The following NRXN3 variants were observed in gnomAD, a reference collection of about 807,000 sequenced individuals.
NRXN3 encodes neurexin 3.
In NRXN3, 32 loss-of-function variants were observed where a neutral mutation model predicts 137.6. The ratio of observed to expected loss-of-function variants is 0.23; its 90% confidence interval spans 0.18 to 0.31. The LOEUF (loss-of-function observed/expected upper bound fraction) is 0.31, where lower values mean the gene tolerates loss of function less well. NRXN3 is among the 10% of genes least tolerant of loss of function. The probability of loss-of-function intolerance (pLI) is 1.00; values close to 1 mark genes in which losing one functional copy is unlikely to be tolerated. For missense variants in NRXN3, 1,574 were observed against 2,062.5 expected, an observed-to-expected ratio of 0.76 and a Z score of 4.59; for synonymous variants, 798 against 784.5, an observed-to-expected ratio of 1.02 and a Z score of -0.29.
chr14:78,855,124 G>A (rs1268463314), intron 10 of NRXN3, among the ~76,000 whole-genome samples: 1 of 151,156 alleles, frequency 6.6e-6, no homozygotes, highest in African/African-American at 2.4e-5. Flanking sequence ...AGATCACGCT[G>A]CTGCACTCCA....
intron 8 of NRXN3, among the ~76,000 whole-genome samples, chr14:78,756,505 C>T (rs956430661): frequency 2.0e-5 from 3 of 146,536 alleles, no homozygotes; most frequent in South Asian, 2.2e-4. Flanking sequence ...TGGCTCTGAT[C>T]GCCCAAGCTC....
chr14:78,765,793 C>T (rs938525467), intron 8 of NRXN3, among the ~76,000 whole-genome samples: 3 of 152,004 alleles, frequency 2.0e-5, no homozygotes, highest in African/African-American at 7.3e-5. Flanking sequence ...TCTCACCTTC[C>T]CCCATCCATT....
chr14:78,314,819 C>T (rs2078368612), intron 4 of NRXN3, among the ~76,000 whole-genome samples: 1 of 152,084 alleles, frequency 6.6e-6, no homozygotes, highest in African/African-American at 2.4e-5. Context: ...TAGAGAATCA[C>T]TTCTCATTCA....
At chr14:78,227,973 T>G (rs1304368683) in intron 1 of NRXN3, among the ~76,000 whole-genome samples, 1 of 152,170 alleles carries the variant, frequency 6.6e-6, no homozygotes, top group African/African-American at 2.4e-5. Flanking sequence ...GGTGTCATTT[T>G]TGCTAATATG....
intron 4 of NRXN3, among the ~76,000 whole-genome samples, chr14:78,500,152 G>T (rs1441990960): frequency 6.6e-6 from 1 of 152,094 alleles, no homozygotes; most frequent in Non-Finnish European, 1.5e-5. Flanking sequence ...TCAGTTCAGA[G>T]AATTCAATTT....
intron 15 of NRXN3, among the ~76,000 whole-genome samples, chr14:79,078,246 T>C (rs1459263444): frequency 6.6e-6 from 1 of 152,192 alleles, no homozygotes; most frequent in African/African-American, 2.4e-5. Flanking sequence ...TTATGACCAT[T>C]CAAGATACTT....
In NRXN3 at chr14:79,697,703, A is replaced by G. The variant is rs540425234; in HGVS notation, c.3780A>G (p.Gln1260=). 2.5e-6 allele frequency: 4 copies of G among 1,613,104 alleles called. No homozygotes were observed. In the African/African-American group the frequency reaches 5.3e-5, roughly 22 times the overall value. The stretch of plus-strand genomic sequence containing the variant: ...GAAAGGACAAAGGACGCCTCTTCCA[A>G]GGCCAACTCTCTGGGCTCTATTATG... ...IGGKDKGRLF[Q]GQLSGLYYDG... Residue 1260 remains glutamine (Q), a synonymous_variant, in exon 19 of 21, where the codon CAA becomes CAG. Coordinates refer to ENST00000335750, the MANE Select transcript of NRXN3 (RefSeq NM_001330195.2).
At chr14:79,324,943 C>T (rs2090630511) in intron 15 of NRXN3, among the ~76,000 whole-genome samples, 1 of 152,120 alleles carries the variant, frequency 6.6e-6, no homozygotes, top group Admixed American at 6.5e-5. Context: ...TGTCAGACGT[C>T]CTTGTCCTTT....
intron 15 of NRXN3, among the ~76,000 whole-genome samples, chr14:79,410,404 G>A (rs957002437): frequency 1.3e-5 from 2 of 151,194 alleles, no homozygotes; most frequent in African/African-American, 2.4e-5. Flanking sequence ...TCGTGTGTTC[G>A]TTTAAAATGT....
intron 1 of NRXN3, among the ~76,000 whole-genome samples, chr14:78,210,590 A>G (rs545571918): frequency 2.6e-5 from 4 of 152,132 alleles, no homozygotes; most frequent in African/African-American, 7.2e-5. Flanking sequence ...AAATGTATAC[A>G]CCTGTGTAAC....
intron 6 of NRXN3, chr14:78,703,530 A>G (rs554228406): frequency 1.3e-5 from 2 of 152,338 alleles, no homozygotes; most frequent in South Asian, 4.1e-4. Context: ...ATTATTATCT[A>G]TTGTCAAAGG....
Position 79,787,577 on chromosome 14 carries a change from A to C in NRXN3, c.4015-17535A>C, listed in dbSNP as rs1363107180. Reference sequence around the variant, plus strand: ...ACCTTTCCTTTCTCAGCCTCTGATAACCACCACTCTACTCTCTATTTCTGT... The same window carrying C: ...ACCTTTCCTTTCTCAGCCTCTGATACCCACCACTCTACTCTCTATTTCTGT... On this transcript the variant is annotated intron_variant, in intron 19 of 20. Coordinates refer to ENST00000335750, the MANE Select transcript of NRXN3 (RefSeq NM_001330195.2). 2.2e-4 allele frequency among the ~76,000 whole-genome samples: 34 copies of C among 152,138 alleles called. 1 individual carries two copies. Among genetic ancestry groups the C allele is most frequent in the Admixed American group, 2.2e-3 (33 of 15,272 alleles).
intron 15 of NRXN3, among the ~76,000 whole-genome samples, chr14:79,153,655 A>T (rs865866957): frequency 4.6e-5 from 7 of 152,002 alleles, no homozygotes; most frequent in Admixed American, 1.3e-4. Flanking sequence ...TCAGGAGAAC[A>T]TACAGCTAAA....
chr14:78,713,772 C>G (rs949090199), intron 7 of NRXN3, among the ~76,000 whole-genome samples: 7 of 152,104 alleles, frequency 4.6e-5, no homozygotes, highest in African/African-American at 1.7e-4. Flanking sequence ...AGAGAAATGC[C>G]AGATACTTAT....
intron 1 of NRXN3, among the ~76,000 whole-genome samples, chr14:78,210,521 G>A (rs142824628): frequency 8.7e-4 from 132 of 152,238 alleles, no homozygotes; most frequent in African/African-American, 2.6e-3. Context: ...TTTGTTTGAG[G>A]TGTAAGCCAT....
intron 15 of NRXN3, among the ~76,000 whole-genome samples, chr14:79,430,586 G>A (rs906312032): frequency 9.9e-5 from 15 of 152,054 alleles, no homozygotes; most frequent in African/African-American, 3.6e-4. Context: ...TCACTGTTCT[G>A]ATTACTTTTA....
intron 15 of NRXN3, among the ~76,000 whole-genome samples, chr14:79,214,495 G>A (rs2068183199): frequency 6.6e-6 from 1 of 152,154 alleles, no homozygotes; most frequent in South Asian, 2.1e-4. Flanking sequence ...ACAAAGAAAT[G>A]ATAAATATTT....
At chr14:78,449,999 C>G (rs565667596) in intron 4 of NRXN3, among the ~76,000 whole-genome samples, 1 of 152,288 alleles carries the variant, frequency 6.6e-6, no homozygotes, top group South Asian at 2.1e-4. Context: ...CTCTTAAGCA[C>G]ACGTCAATCA....
At chr14:78,994,222 G>C (rs996757858) in intron 15 of NRXN3, among the ~76,000 whole-genome samples, 1 of 152,026 alleles carries the variant, frequency 6.6e-6, no homozygotes, top group South Asian at 2.1e-4. Flanking sequence ...GAAAGGTAGC[G>C]TGCCAGCAGG....
Sources: gnomAD v4.1 joint callset for allele counts (sites outside exome capture counted in the v4.1 genomes callset) on GRCh38, gnomAD v4.1.1 for gene constraint, MANE v1.5 for transcripts, NCBI Gene and HGNC (gene_info 2026-07-23, HGNC 2026-07-21) for gene names.